NCKAP5: variants seen among roughly 807,000 people sequenced by gnomAD.
NCKAP5 encodes nck-associated protein 5.
A neutral mutation model predicts 167.0 loss-of-function variants in NCKAP5; 92 were observed. The ratio of observed to expected loss-of-function variants is 0.55; its 90% CI spans 0.47 to 0.66. The LOEUF (loss-of-function observed/expected upper bound fraction) is 0.66. Ranked by LOEUF, NCKAP5 falls within the 30% of genes least tolerant of loss-of-function variation. The pLI is 0.00. For missense variants in NCKAP5, 2,378 were observed against 2,315.0 expected, an observed-to-expected ratio of 1.03 and a Z score of -0.56; for synonymous variants, 891 against 877.4, an observed-to-expected ratio of 1.02 and a Z score of -0.27.
intron 3 of NCKAP5, among the ~76,000 whole-genome samples, chr2:133,488,123 G>A (rs1402174575): frequency 6.6e-6 from 1 of 152,150 alleles, no homozygotes; most frequent in Non-Finnish European, 1.5e-5. Context: ...TTTAAATGTA[G>A]TTGTCAAAGT....
At chr2:133,303,260 T>G (rs1245780967) in intron 3 of NCKAP5, 150 bp from the exon 4 acceptor site, 1 of 614,758 alleles carries the variant, frequency 1.6e-6, no homozygotes, top group African/African-American at 1.8e-5. Flanking sequence ...TGACTTGCAA[T>G]CATATGTAAA....
At chr2:133,290,312 G>A (rs1679486264) in intron 4 of NCKAP5, among the ~76,000 whole-genome samples, 1 of 152,006 alleles carries the variant, frequency 6.6e-6, no homozygotes, top group African/African-American at 2.4e-5. Context: ...ATCTAAAATT[G>A]CCTCTTCATT....
chr2:133,175,631 A>G (rs553477915), intron 5 of NCKAP5, among the ~76,000 whole-genome samples: 2 of 152,198 alleles, frequency 1.3e-5, no homozygotes, highest in African/African-American at 4.8e-5. Flanking sequence ...GCTAACTCCA[A>G]TAGTATATAT....
chr2:133,482,020 C>G (rs926810846), intron 3 of NCKAP5, among the ~76,000 whole-genome samples: 1 of 152,124 alleles, frequency 6.6e-6, no homozygotes, highest in African/African-American at 2.4e-5. Context: ...ATCTATCTTT[C>G]CACTCTTTAC....
chr2:133,163,222 TGCCTATGTGATTGGTCCCGAAG>T (rs1342488603), intron 5 of NCKAP5, among the ~76,000 whole-genome samples: 2 of 152,248 alleles, frequency 1.3e-5, no homozygotes, highest in African/African-American at 4.8e-5. Flanking sequence ...GTTGTGTCTC[TGCCTATGTGATTGGTCCCGAAG>T]GCCCCATACA....
chr2:133,437,373 A>C (rs529469404), intron 3 of NCKAP5, among the ~76,000 whole-genome samples: 68 of 152,184 alleles, frequency 4.5e-4, no homozygotes, highest in South Asian at 2.5e-3. Flanking sequence ...AAAGAAGGAA[A>C]GAATGAAGTA....
chr2:133,085,277 C>T (rs2080949301), intron 6 of NCKAP5, among the ~76,000 whole-genome samples: 1 of 152,164 alleles, frequency 6.6e-6, no homozygotes, highest in East Asian at 1.9e-4. Context: ...AGGCACCTAC[C>T]ACCTGCAGCA....
chr2:133,226,279 A>G (rs1292782834), intron 4 of NCKAP5, among the ~76,000 whole-genome samples: 1 of 152,068 alleles, frequency 6.6e-6, no homozygotes, highest in Non-Finnish European at 1.5e-5. Flanking sequence ...AAATGCTATC[A>G]ATCTATTCCA....
At chr2:133,045,193 G>A (rs1383333443) in intron 6 of NCKAP5, among the ~76,000 whole-genome samples, 1 of 152,004 alleles carries the variant, frequency 6.6e-6, no homozygotes, top group African/African-American at 2.4e-5. Context: ...TCACATGATG[G>A]AACAATGCAC....
intron 4 of NCKAP5, among the ~76,000 whole-genome samples, chr2:133,227,734 A>C (rs535785900): frequency 3.7e-4 from 57 of 152,270 alleles, no homozygotes; most frequent in African/African-American, 1.3e-3. Flanking sequence ...CTTTCCTTTC[A>C]GAGTCATTTT....
intron 2 of NCKAP5, among the ~76,000 whole-genome samples, chr2:133,544,835 G>A (rs942114697): frequency 6.6e-6 from 1 of 152,186 alleles, no homozygotes; most frequent in African/African-American, 2.4e-5. Context: ...GGCAGAGAAT[G>A]ATGCCCACAA....
At chr2:133,567,740 AAACATC>A (rs931978785) in intron 1 of NCKAP5, among the ~76,000 whole-genome samples, 19 of 149,136 alleles carry the variant, frequency 1.3e-4, no homozygotes, top group African/African-American at 4.7e-4. Flanking sequence ...GAGAGACCAT[AAACATC>A]AACATCCACA....
intron 8 of NCKAP5, among the ~76,000 whole-genome samples, chr2:132,906,130 T>G (rs771819918): frequency 3.3e-5 from 5 of 152,238 alleles, no homozygotes; most frequent in Non-Finnish European, 5.9e-5. Flanking sequence ...TGGAATTGAC[T>G]GAAAGACTAT....
chr2:133,449,716 T>C (rs1025279412), intron 3 of NCKAP5, among the ~76,000 whole-genome samples: 1 of 152,200 alleles, frequency 6.6e-6, no homozygotes, highest in Non-Finnish European at 1.5e-5. Flanking sequence ...GATTGTATCA[T>C]CTTGACTTTA....
intron 4 of NCKAP5, among the ~76,000 whole-genome samples, chr2:133,238,817 A>G (rs2150287352): frequency 6.6e-6 from 1 of 152,282 alleles, no homozygotes; most frequent in South Asian, 2.1e-4. Flanking sequence ...CAGTTCCTCT[A>G]CCACATAAAT....
intron 19 of NCKAP5, among the ~76,000 whole-genome samples, chr2:132,695,221 T>C (rs1405681354): frequency 6.6e-6 from 1 of 152,170 alleles, no homozygotes; most frequent in Non-Finnish European, 1.5e-5. Flanking sequence ...CTGAATAAAG[T>C]TGTGGATCCA....
intron 12 of NCKAP5, among the ~76,000 whole-genome samples, chr2:132,794,323 G>C (rs1458440420): frequency 7.0e-6 from 1 of 143,734 alleles, no homozygotes. Flanking sequence ...CGGGAAGAGA[G>C]AGAGAAAGAG....
At chr2:132,939,091 T>C (rs939787739) in intron 8 of NCKAP5, among the ~76,000 whole-genome samples, 20 of 152,242 alleles carry the variant, frequency 1.3e-4, no homozygotes, top group African/African-American at 4.6e-4. Flanking sequence ...GGAATAATTT[T>C]TTACTGGCTT....
chr2:132,819,705 A>G (rs544944817), intron 11 of NCKAP5, among the ~76,000 whole-genome samples: 1 of 152,042 alleles, frequency 6.6e-6, no homozygotes, highest in South Asian at 2.1e-4. Flanking sequence ...TTAATCTGTT[A>G]AAAATTTAAA....
Sources: allele counts gnomAD v4.1 joint callset (sites outside exome capture counted in the v4.1 genomes callset), GRCh38; gene constraint gnomAD v4.1.1; transcripts MANE v1.5; gene names NCBI Gene and HGNC (gene_info 2026-07-23, HGNC 2026-07-21).